The following ASPM variants were observed in gnomAD, a reference collection of about 807,000 sequenced individuals.
ASPM encodes the protein assembly factor for spindle microtubules.
In ASPM, 256 loss-of-function variants were observed where a neutral mutation model predicts 366.4. The observed-to-expected ratio is 0.70, with a 90% CI of 0.63 to 0.77. ASPM has a LOEUF of 0.77. Ranked by LOEUF, ASPM falls within the 30% of genes least tolerant of loss-of-function variation. The pLI, the probability that ASPM is intolerant of heterozygous loss-of-function variation, is 0.00. For synonymous variants in ASPM, 1,414 were observed against 1,342.9 expected (o/e 1.05, Z -1.16); for missense variants, 4,146 against 4,090.4 (o/e 1.01, Z -0.37).
intron 14 of ASPM, 33 bp downstream of exon 14, chr1:197,122,355 A>G: frequency 1.2e-6 from 2 of 1,613,378 alleles, no homozygotes; most frequent in Non-Finnish European, 1.7e-6. Context: ...CAGACATGGC[A>G]AAAAATTGGA....
Position 197,088,294 on chromosome 1 carries a change from A to T in ASPM, c.10123T>A (p.Leu3375Met). 1 of 1,613,478 alleles carries T rather than the reference A, an allele frequency of 6.2e-7. No homozygotes were observed. Among genetic ancestry groups the T allele is most frequent in the Non-Finnish European group, 8.5e-7 (1 of 1,179,726 alleles). Residue 3375 changes from leucine to methionine, a missense_variant, in exon 26 of 28, where the codon TTG becomes ATG. Physicochemically the swap from Leu to Met is conservative, Grantham distance 15. Transcript: ENST00000367409. ...GGSIFTKTCC[L>M]LAILLKTTNR... Reference sequence around the variant, plus strand: ...GTTGTCTTCAGTAAAATAGCCAACAAACAACAAGTTTTTGTAAAAATGCTT... The same window carrying T: ...GTTGTCTTCAGTAAAATAGCCAACATACAACAAGTTTTTGTAAAAATGCTT...
intron 16 of ASPM, among the ~76,000 whole-genome samples, chr1:197,118,507 G>T (rs1031426570): frequency 3.3e-5 from 5 of 152,134 alleles, no homozygotes; most frequent in Non-Finnish European, 7.4e-5. Context: ...TGGGCTATGA[G>T]AAGTGGTATC....
Position 197,093,082 on chromosome 1 carries a change from TG to T in ASPM, c.9263del (p.Ala3088AspfsTer7). ...TTCGTACTAGCCAACCACGCACCAG[TG>T]CTTGTAGGATAACTGTAGATTTTTT... ...EFKKSTVILQALVRGWLVRKR... is the reference protein window; with the variant it reads ...EFKKSTVILQXLVRGWLVRKR... On this transcript the variant is annotated frameshift_variant, in exon 21 of 28. Coordinates refer to ENST00000367409, the MANE Select transcript of ASPM (RefSeq NM_018136.5). LOFTEE classifies it high-confidence loss of function. 2 of 1,611,752 alleles carry T rather than the reference TG, an allele frequency of 1.2e-6. No homozygotes were observed. Among genetic ancestry groups the T allele is most frequent in the Non-Finnish European group, 1.7e-6 (2 of 1,178,440 alleles).
At chr1:197,139,352 C>T in intron 4 of ASPM, 2 of 629,490 alleles carry the variant, frequency 3.2e-6, no homozygotes, top group South Asian at 1.8e-5. Context: ...ATCCCAGCAC[C>T]CTGGGAGGCG....
Position 197,132,387 on chromosome 1 carries a change from T to C in ASPM, c.2420-35A>G, listed in dbSNP as rs746209001. The stretch of plus-strand genomic sequence containing the variant: ...ATGTCAAAGGCAAATAAGTTCAAAT[T>C]GATAATCAAATAGAGACAAGAAATA... On this transcript the variant is annotated intron_variant, in intron 6 of 27. Transcript: ENST00000367409. 20 of 1,573,940 alleles carry C rather than the reference T, an allele frequency of 1.3e-5. 1 individual carries two copies. In the Middle Eastern group the frequency reaches 5.0e-4, roughly 40 times the overall value.
At position 197,142,802 on chromosome 1, in the gene ASPM, T is replaced by C. The variant is rs761394270; in HGVS notation, c.1450A>G (p.Asn484Asp). Residue 484 changes from asparagine (N) to aspartate (D), a missense_variant, in exon 3 of 28, where the codon AAT (asparagine) becomes GAT (aspartate). Physicochemically the swap from Asn to Asp is conservative, Grantham distance 23. Transcript: ENST00000367409. ...ATTGGACGTCTCTTAGGTTGTTTAT[T>C]GTGGCTATGACTAGAAATATCCTGA... ...AVQDISSHSH[N>D]KQPKRRPILS... 1.2e-5 allele frequency: 19 copies of C among 1,613,618 alleles called. No homozygotes were observed. The East Asian group carries it at 4.0e-4, about 34-fold the overall frequency.
At chr1:197,122,654 G>GGTTTGCA (rs1190703948) in intron 13 of ASPM, 59 bp from the exon 14 acceptor site, 1 of 1,443,690 alleles carries the variant, frequency 6.9e-7, no homozygotes, top group African/African-American at 1.4e-5. Flanking sequence ...TAGACATAAT[G>GGTTTGCA]GTTTGCAGAA....
Position 197,102,312 on chromosome 1 carries a change from A to G in ASPM, c.6939T>C (p.Asn2313=). The G allele has an allele frequency of 6.2e-7, 1 of 1,612,708 alleles. No homozygotes were observed. Among genetic ancestry groups the G allele is most frequent in the Non-Finnish European group, 8.5e-7 (1 of 1,179,258 alleles). ...ATGATGACTGGATTTTAATAACTGCATTTTGTACCTGAAGGAACTGTAAGT... is the reference window on the plus strand; with the variant it reads ...ATGATGACTGGATTTTAATAACTGCGTTTTGTACCTGAAGGAACTGTAAGT... The part of the protein sequence containing the change: ...KHHLQFLQVQ[N]AVIKIQSSYR... The change falls in exon 18 of 28, where the codon AAT becomes AAC. Residue 2313 remains asparagine (N), a synonymous_variant. Coordinates refer to ENST00000367409, the MANE Select transcript of ASPM (RefSeq NM_018136.5).
chr1:197,091,175 A>G (rs1656774992), intron 22 of ASPM, 134 bp from the exon 23 acceptor site: 2 of 824,946 alleles, frequency 2.4e-6, no homozygotes, highest in Non-Finnish European at 3.8e-6. Flanking sequence ...CCACAGAGGC[A>G]TTACTTCCCC....
chr1:197,145,529 G>GA (rs544535546), intron 1 of ASPM, among the ~76,000 whole-genome samples: 74 of 148,636 alleles, frequency 5.0e-4, no homozygotes, highest in African/African-American at 1.3e-3. Flanking sequence ...TATTTCACCG[G>GA]AAAAAAAAAC....
chr1:197,089,973 T>G lies in ASPM; in HGVS notation c.9941A>C (p.Glu3314Ala). The change falls in exon 25 of 28, where the codon GAA (glutamate) becomes GCA (alanine). Residue 3314 changes from glutamate (E) to alanine (A), a missense_variant. This residue lies in a region of ASPM where 3,624 missense variants were observed against 3,591.7 expected (regional missense o/e 1.01). Transcript: ENST00000367409. ...RSCNRSIPCMEVIRYAVQVLL... is the reference protein window; with the variant it reads ...RSCNRSIPCMAVIRYAVQVLL... ...GACTTGCACAGCATATCTGATGACT[T>G]CCATACAAGGAATACTGCGATTACA... The G allele has an allele frequency of 6.2e-7, 1 of 1,613,360 alleles. No homozygotes were observed. Among genetic ancestry groups the G allele is most frequent in the Non-Finnish European group, 8.5e-7 (1 of 1,179,564 alleles).
At chr1:197,134,167 G>T (rs982757039) in intron 5 of ASPM, among the ~76,000 whole-genome samples, 1 of 151,628 alleles carries the variant, frequency 6.6e-6, no homozygotes, top group Non-Finnish European at 1.5e-5. Context: ...GGAGGCCAAG[G>T]CAAGTGAATT....
At chr1:197,122,668 C>T in intron 13 of ASPM, 73 bp from the exon 14 acceptor site, 1 of 1,369,838 alleles carries the variant, frequency 7.3e-7, no homozygotes, top group Non-Finnish European at 1.0e-6. Context: ...TGCAGAATAC[C>T]TGTGAATAAT....
In ASPM at chr1:197,146,176, C is replaced by T; in HGVS notation, c.262G>A (p.Gly88Ser). Residue 88 changes from glycine (G) to serine (S), a missense_variant, in exon 1 of 28, where the codon GGC (glycine) becomes AGC (serine). By Grantham distance (56) the Gly-to-Ser change is moderately conservative (BLOSUM62 0). Around this residue, in one of 3 missense-constraint regions of ASPM, gnomAD observed 512 missense variants for 471.7 expected, o/e 1.09. Transcript: ENST00000367409. ...KISHFPAADL[G>S]FSVSQRCFVL... ...AAACAGCGCTGCGACACACTGAAGC[C>T]CAGGTCCGCGGCCGGGAAGTGGGAG... is the stretch of plus-strand genomic sequence containing the variant. 1 of 1,613,896 alleles carries T rather than the reference C, an allele frequency of 6.2e-7. No individual in the cohort carries two copies.
intron 16 of ASPM, among the ~76,000 whole-genome samples, chr1:197,121,707 C>G (rs1473771939): frequency 1.3e-5 from 2 of 152,078 alleles, no homozygotes; most frequent in African/African-American, 4.8e-5. Context: ...AAGGGGTGGA[C>G]AGACTGGAAG....
intron 10 of ASPM, 132 bp downstream of exon 10, chr1:197,128,358 A>AAAC: frequency 2.1e-6 from 2 of 942,470 alleles, no homozygotes. Context: ...AAAAAAAAAA[A>AAAC]CCTCAATTTT....
At chr1:197,086,692 T>C (rs1656597776) in intron 27 of ASPM, 111 bp downstream of exon 27, 3 of 917,476 alleles carry the variant, frequency 3.3e-6, no homozygotes, top group African/African-American at 1.6e-5. Flanking sequence ...TATTCATATG[T>C]TGTTTCTCCA....
chr1:197,091,266 A>G (rs1656780177), intron 22 of ASPM, among the ~76,000 whole-genome samples: 1 of 152,052 alleles, frequency 6.6e-6, no homozygotes, highest in African/African-American at 2.4e-5. Flanking sequence ...GCACAGGAGT[A>G]TATTTAATCC....
rs1415130168 is a variant in ASPM at position 197,146,166 on chromosome 1, A to G, written c.272T>C (p.Val91Ala). 5 of 1,614,092 alleles carry G rather than the reference A, an allele frequency of 3.1e-6. No individual in the cohort carries two copies. Among genetic ancestry groups the G allele is most frequent in the African/African-American group, 1.3e-5 (1 of 75,010 alleles). Residue 91 changes from valine (V) to alanine (A), a missense_variant, in exon 1 of 28, where the codon GTG becomes GCG. Around this residue, in one of 3 missense-constraint regions of ASPM, gnomAD observed 512 missense variants for 471.7 expected, o/e 1.09. Transcript: ENST00000367409. The stretch of plus-strand genomic sequence containing the variant: ...CTGCAACACGAAACAGCGCTGCGAC[A>G]CACTGAAGCCCAGGTCCGCGGCCGG... ...HFPAADLGFS[V>A]SQRCFVLQPK...
Sources: allele counts gnomAD v4.1 joint callset (sites outside exome capture counted in the v4.1 genomes callset), GRCh38; gene constraint gnomAD v4.1.1; regional missense constraint gnomAD v4.1.1; transcripts MANE v1.5; gene names NCBI Gene and HGNC (gene_info 2026-07-23, HGNC 2026-07-21).